Variants in ADK observed in about 807,000 individuals in gnomAD.
ADK encodes adenosine kinase, also known as N6,N6-dimethyladenosine kinase.
In ADK, 24 loss-of-function variants were observed where a neutral mutation model predicts 44.7. The observed-to-expected ratio is 0.54, with a 90% CI of 0.39 to 0.76. ADK has a LOEUF of 0.76. Ranked by LOEUF, ADK falls within the 30% of genes least tolerant of loss-of-function variation. The pLI, the probability that ADK is intolerant of heterozygous loss-of-function variation, is 0.00. For synonymous variants in ADK, 128 were observed against 142.6 expected (o/e 0.90, Z 0.73); for missense variants, 321 against 425.1 (o/e 0.76, Z 2.15).
chr10:74,567,785 G>A (rs1175279401), intron 7 of ADK, among the ~76,000 whole-genome samples: 4 of 142,446 alleles, frequency 2.8e-5, no homozygotes, highest in Admixed American at 1.5e-4. Flanking sequence ...TGCAACCTCC[G>A]CCTCCCAGAT....
At chr10:74,618,656 G>A (rs1020651166) in intron 9 of ADK, among the ~76,000 whole-genome samples, 2 of 152,040 alleles carry the variant, frequency 1.3e-5, no homozygotes, top group Admixed American at 6.5e-5. Flanking sequence ...TCTCTATGTT[G>A]GGAGTTATAC....
chr10:74,310,284 A>G (rs530410544), intron 3 of ADK, among the ~76,000 whole-genome samples: 1 of 152,324 alleles, frequency 6.6e-6, no homozygotes, highest in South Asian at 2.1e-4. Context: ...AAATGTAATA[A>G]TATCATAAAC....
At chr10:74,363,557 C>T (rs1279919196) in intron 4 of ADK, among the ~76,000 whole-genome samples, 1 of 152,010 alleles carries the variant, frequency 6.6e-6, no homozygotes, top group Non-Finnish European at 1.5e-5. Flanking sequence ...AGACTGGACC[C>T]TCTCAGGATC....
At chr10:74,564,653 A>C (rs763456969) in intron 7 of ADK, among the ~76,000 whole-genome samples, 138 of 152,188 alleles carry the variant, frequency 9.1e-4, no homozygotes, top group Non-Finnish European at 1.7e-3. Flanking sequence ...ATTTTGTGTT[A>C]GAAGTAGGTT....
At chr10:74,253,294 A>G (rs1354825849) in intron 3 of ADK, among the ~76,000 whole-genome samples, 1 of 152,240 alleles carries the variant, frequency 6.6e-6, no homozygotes, top group East Asian at 1.9e-4. Flanking sequence ...TTTTAATAAC[A>G]TGCAGATTAA....
At chr10:74,588,890 T>A (rs527369257) in intron 7 of ADK, among the ~76,000 whole-genome samples, 1 of 152,216 alleles carries the variant, frequency 6.6e-6, no homozygotes, top group Non-Finnish European at 1.5e-5. Flanking sequence ...TTTTCTGAAT[T>A]TATACATTTA....
At chr10:74,451,115 A>T (rs1871087) in intron 6 of ADK, among the ~76,000 whole-genome samples, 3 of 122,386 alleles carry the variant, frequency 2.5e-5, no homozygotes, top group Admixed American at 8.8e-5. Flanking sequence ...ATTTGGCCTG[A>T]GATTCTATGA....
intron 6 of ADK, among the ~76,000 whole-genome samples, chr10:74,448,453 A>G (rs756996955): frequency 6.6e-6 from 1 of 152,170 alleles, no homozygotes; most frequent in Non-Finnish European, 1.5e-5. Context: ...GCATGTATAT[A>G]TGTGTATATA....
chr10:74,476,323 G>A (rs984784828), intron 6 of ADK, among the ~76,000 whole-genome samples: 2 of 151,872 alleles, frequency 1.3e-5, no homozygotes, highest in Non-Finnish European at 2.9e-5. Context: ...GAGAAACTGC[G>A]TCTCTAACAA....
chr10:74,464,966 G>C (rs1846301655), intron 6 of ADK, among the ~76,000 whole-genome samples: 1 of 152,148 alleles, frequency 6.6e-6, no homozygotes, highest in Non-Finnish European at 1.5e-5. Flanking sequence ...ACTTTTCTAG[G>C]TGGTGAATTT....
intron 4 of ADK, among the ~76,000 whole-genome samples, chr10:74,329,343 A>C (rs1260653581): frequency 6.6e-6 from 1 of 152,194 alleles, no homozygotes; most frequent in Non-Finnish European, 1.5e-5. Flanking sequence ...GATGTGCAGT[A>C]GAATTAAGCC....
At chr10:74,383,829 A>G (rs1349425146) in intron 4 of ADK, among the ~76,000 whole-genome samples, 1 of 152,150 alleles carries the variant, frequency 6.6e-6, no homozygotes, top group Non-Finnish European at 1.5e-5. Flanking sequence ...TTTTTTCTGC[A>G]TATAGTAAAC....
At chr10:74,617,194 G>A (rs958840174) in intron 9 of ADK, among the ~76,000 whole-genome samples, 9 of 152,100 alleles carry the variant, frequency 5.9e-5, no homozygotes, top group African/African-American at 2.2e-4. Context: ...AGCACGGTAA[G>A]ACATGTAGAA....
chr10:74,497,170 A>C (rs887461634), intron 6 of ADK, among the ~76,000 whole-genome samples: 15 of 152,174 alleles, frequency 9.9e-5, no homozygotes, highest in South Asian at 2.1e-4. Context: ...GCTTTGTCCC[A>C]AAAAATAATA....
At chr10:74,207,967 TC>T (rs889210618) in intron 2 of ADK, among the ~76,000 whole-genome samples, 74 of 152,306 alleles carry the variant, frequency 4.9e-4, no homozygotes, top group Middle Eastern at 3.4e-3. Context: ...TTGGCCTCCT[TC>T]CCATGCTTCT....
At chr10:74,468,040 G>C (rs11001045) in intron 6 of ADK, among the ~76,000 whole-genome samples, 4,168 of 152,102 alleles carry the variant, frequency 0.027, 111 homozygotes, top group East Asian at 0.076. Flanking sequence ...CACTCTTAAA[G>C]TACAACTGTA....
intron 1 of ADK, among the ~76,000 whole-genome samples, 153 bp downstream of exon 1, chr10:74,151,496 A>C (rs989219821): frequency 6.6e-6 from 1 of 151,818 alleles, no homozygotes; most frequent in East Asian, 1.9e-4. Context: ...CTTGGCCGCG[A>C]CCCCTTGCCA....
At chr10:74,293,726 T>C (rs1310895442) in intron 3 of ADK, among the ~76,000 whole-genome samples, 1 of 152,252 alleles carries the variant, frequency 6.6e-6, no homozygotes, top group Non-Finnish European at 1.5e-5. Context: ...AATTTTTATA[T>C]TATTTTCATA....
chr10:74,380,992 G>C (rs1842962399), intron 4 of ADK, among the ~76,000 whole-genome samples: 2 of 152,090 alleles, frequency 1.3e-5, no homozygotes, highest in Admixed American at 1.3e-4. Flanking sequence ...GTTTACTACT[G>C]TAAGTGTTTA....
Sources: allele counts gnomAD v4.1 joint callset (sites outside exome capture counted in the v4.1 genomes callset), GRCh38; gene constraint gnomAD v4.1.1; transcripts MANE v1.5; gene names NCBI Gene and HGNC (gene_info 2026-07-23, HGNC 2026-07-21).